The following LRRIQ3 variants were observed in gnomAD, a reference collection of about 807,000 sequenced individuals.
The protein encoded by LRRIQ3 is leucine rich repeats and IQ motif containing 3.
LRRIQ3 carries 75 observed loss-of-function variants against 59.3 expected under a neutral mutation model. That is an observed-to-expected ratio of 1.26 (90% CI 1.05 to 1.53). The LOEUF is 1.53. LRRIQ3 is among the 40% of genes most tolerant of loss of function. The pLI, the probability that LRRIQ3 is intolerant of heterozygous loss-of-function variation, is 0.00. For synonymous variants in LRRIQ3, 250 were observed against 231.3 expected (o/e 1.08, Z -0.73); for missense variants, 831 against 710.0 (o/e 1.17, Z -1.94).
chr1:74,054,928 T>C (rs941881021), intron 6 of LRRIQ3, among the ~76,000 whole-genome samples: 1 of 147,378 alleles, frequency 6.8e-6, no homozygotes, highest in African/African-American at 2.5e-5. Context: ...AAATGTATAA[T>C]TGTATTACAT....
In LRRIQ3 at chr1:74,056,313, A is replaced by G. The variant is rs191822807; in HGVS notation, c.998-14380T>C. On this transcript the variant is annotated intron_variant, in intron 6 of 7. Coordinates refer to ENST00000354431, the MANE Select transcript of LRRIQ3 (RefSeq NM_001105659.2). ...AGCTTTTTCTGTAAGATCTGGAAAA[A>G]GATAAGGATGCCCACTCTCACCACT... Among the ~76,000 whole-genome samples the G allele has an allele frequency of 4.4e-3, 671 of 152,240 alleles. 4 individuals carry two copies. The highest frequency in any genetic ancestry group is 0.041 in the Middle Eastern group (12 of 294).
At chr1:74,053,777 T>G (rs1250407291) in intron 6 of LRRIQ3, among the ~76,000 whole-genome samples, 1 of 152,056 alleles carries the variant, frequency 6.6e-6, no homozygotes, top group East Asian at 1.9e-4. Flanking sequence ...AAAAAGATGC[T>G]CCACATCATA....
chr1:74,154,240 C>CA lies in LRRIQ3; in HGVS notation c.707+1492dup, dbSNP rs71078186. Among the ~76,000 whole-genome samples, 51 of 57,278 alleles carry CA rather than the reference C, an allele frequency of 8.9e-4. 7 individuals are homozygous for CA. Among genetic ancestry groups the CA allele is most frequent in the South Asian group, 1.5e-3 (2 of 1,310 alleles). The allele number at this position is 57,278 out of a possible 152,430, so 37.6% of individuals were successfully genotyped here. A position where few individuals can be genotyped will look rare whatever the true frequency, so the allele number is the denominator to read the frequency against. The stretch of plus-strand genomic sequence containing the variant: ...TGGGCGACAGAGCGAGACTCCTTCT[C>CA]AAAAAAAAAAAAAAAAAAAAAAAAA... On this transcript the variant is annotated intron_variant, in intron 4 of 7. Transcript: ENST00000354431.
intron 6 of LRRIQ3, among the ~76,000 whole-genome samples, chr1:74,066,298 C>A (rs1417011776): frequency 1.3e-5 from 2 of 151,642 alleles, no homozygotes; most frequent in Non-Finnish European, 2.9e-5. Context: ...ATCAAGATAG[C>A]CTGTATATTA....
intron 4 of LRRIQ3, among the ~76,000 whole-genome samples, chr1:74,139,671 A>G (rs1647196398): frequency 6.6e-6 from 1 of 151,942 alleles, no homozygotes; most frequent in African/African-American, 2.4e-5. Context: ...GCCACTACTT[A>G]TAACAAAGGA....
At chr1:74,091,791 T>G (rs1646397145) in intron 5 of LRRIQ3, among the ~76,000 whole-genome samples, 1 of 152,092 alleles carries the variant, frequency 6.6e-6, no homozygotes, top group Admixed American at 6.6e-5. Context: ...TATTATAACA[T>G]TCTACCTCCA....
intron 4 of LRRIQ3, among the ~76,000 whole-genome samples, chr1:74,133,147 C>CA (rs1254512198): frequency 1.3e-5 from 2 of 152,054 alleles, no homozygotes; most frequent in Non-Finnish European, 2.9e-5. Flanking sequence ...AAATGCAAAT[C>CA]AAAAACACAA....
intron 3 of LRRIQ3, among the ~76,000 whole-genome samples, chr1:74,178,046 G>A (rs1209284454): frequency 1.3e-5 from 2 of 151,828 alleles, no homozygotes; most frequent in Non-Finnish European, 2.9e-5. Context: ...CAATGAAAGA[G>A]TTCCTATCTA....
intron 7 of LRRIQ3, among the ~76,000 whole-genome samples, chr1:74,029,191 T>C (rs1029034920): frequency 1.3e-5 from 2 of 152,112 alleles, no homozygotes; most frequent in South Asian, 2.1e-4. Flanking sequence ...CTTTTCCTAA[T>C]TGAATACCCT....
chr1:74,060,266 CTTCTTT>C (rs1654680921), intron 6 of LRRIQ3, among the ~76,000 whole-genome samples: 1 of 149,378 alleles, frequency 6.7e-6, no homozygotes, highest in East Asian at 2.0e-4. Context: ...TCCTCTTCCT[CTTCTTT>C]CTCTTCCTCC....
intron 3 of LRRIQ3, among the ~76,000 whole-genome samples, chr1:74,172,413 G>C (rs1407498120): frequency 6.6e-6 from 1 of 151,986 alleles, no homozygotes; most frequent in African/African-American, 2.4e-5. Context: ...TTTTGTTAAT[G>C]ATATCTAGTT....
At chr1:74,040,791 T>C (rs1416821632) in intron 7 of LRRIQ3, among the ~76,000 whole-genome samples, 1 of 152,084 alleles carries the variant, frequency 6.6e-6, no homozygotes, top group Non-Finnish European at 1.5e-5. Context: ...GCTAAAGCAG[T>C]ATTAAGAGGG....
intron 5 of LRRIQ3, among the ~76,000 whole-genome samples, chr1:74,107,145 C>T (rs996046757): frequency 2.0e-5 from 3 of 151,998 alleles, no homozygotes; most frequent in African/African-American, 7.2e-5. Flanking sequence ...TGTCTCTTCG[C>T]ACTTTAGGTT....
chr1:74,185,978 C>T (rs981681930), intron 1 of LRRIQ3, among the ~76,000 whole-genome samples: 19 of 151,550 alleles, frequency 1.3e-4, no homozygotes, highest in Non-Finnish European at 1.3e-4. Context: ...CATTTCTTCA[C>T]ATAATGCTAA....
chr1:74,188,123 T>C (rs772567735), intron 1 of LRRIQ3, among the ~76,000 whole-genome samples: 32 of 152,050 alleles, frequency 2.1e-4, no homozygotes, highest in Non-Finnish European at 4.4e-4. Context: ...TACAGGAACA[T>C]GGATAAAGCT....
chr1:74,126,461 T>G (rs989228788), intron 4 of LRRIQ3, among the ~76,000 whole-genome samples: 6 of 152,060 alleles, frequency 3.9e-5, no homozygotes, highest in Middle Eastern at 3.4e-3. Context: ...TTAAAGATTT[T>G]TTAATATATC....
intron 3 of LRRIQ3, among the ~76,000 whole-genome samples, chr1:74,161,182 G>A (rs1327796636): frequency 6.6e-6 from 1 of 151,860 alleles, no homozygotes; most frequent in Non-Finnish European, 1.5e-5. Context: ...GGATCTCTCT[G>A]GGGCCTCTTT....
intron 4 of LRRIQ3, among the ~76,000 whole-genome samples, chr1:74,150,834 C>G (rs1647886433): frequency 6.6e-6 from 1 of 152,048 alleles, no homozygotes; most frequent in Non-Finnish European, 1.5e-5. Flanking sequence ...ATTTACTCTT[C>G]TGATACTTAT....
intron 6 of LRRIQ3, among the ~76,000 whole-genome samples, chr1:74,066,807 C>T (rs1570058245): frequency 1.3e-5 from 2 of 152,052 alleles, no homozygotes; most frequent in East Asian, 3.9e-4. Context: ...AAGTTGATTT[C>T]TTGCTCATTC....
Sources: allele counts gnomAD v4.1 joint callset (sites outside exome capture counted in the v4.1 genomes callset), GRCh38; gene constraint gnomAD v4.1.1; transcripts MANE v1.5; gene names NCBI Gene and HGNC (gene_info 2026-07-23, HGNC 2026-07-21).